Variants in DMRT2 observed in about 807,000 individuals in gnomAD.
DMRT2 encodes the protein doublesex- and mab-3-related transcription factor 2.
In DMRT2, 33 loss-of-function variants were observed where a neutral mutation model predicts 43.5. The observed-to-expected ratio is 0.76, with a 90% confidence interval of 0.58 to 1.01. DMRT2 has a LOEUF of 1.01. Among genes scored for constraint, DMRT2 ranks in the 50% least tolerant of loss-of-function variants. The pLI is 0.00. For synonymous variants in DMRT2, 395 were observed against 309.2 expected, an observed-to-expected ratio of 1.28 and a Z score of -2.91; for missense variants, 1,064 against 748.0, an observed-to-expected ratio of 1.42 and a Z score of -4.93.
At position 1,057,046 on chromosome 9, in the gene DMRT2, T is replaced by C. The variant is rs778824742; in HGVS notation, c.1459T>C (p.Leu487=). 5 of 1,614,084 alleles carry C rather than the reference T, an allele frequency of 3.1e-6. No homozygotes were observed. The East Asian group carries it at 6.7e-5, about 22-fold the overall frequency. Reference sequence around the variant, plus strand: ...ACTTACTGACAAATCGGGTCCTGAGTTGAAAACACCATTTGTCAAAGAGGC... The same window carrying C: ...ACTTACTGACAAATCGGGTCCTGAGCTGAAAACACCATTTGTCAAAGAGGC... ...QTLTDKSGPE[L]KTPFVKEAFE... is the part of the protein sequence containing the mutation. The change falls in exon 4 of 4, where the codon TTG becomes CTG. Residue 487 remains leucine (L), a synonymous_variant. Transcript: ENST00000358146.
chr9:1,055,443 G>A (rs375346065), intron 3 of DMRT2, among the ~76,000 whole-genome samples: 9 of 152,236 alleles, frequency 5.9e-5, no homozygotes, highest in South Asian at 2.1e-4. Context: ...TTTGGTATCC[G>A]GCCAAAATGA....
chr9:1,057,421 C>G lies in DMRT2; in HGVS notation c.*148C>G. 1 of 829,544 alleles carries G rather than the reference C, an allele frequency of 1.2e-6. No individual in the cohort carries two copies. The highest frequency in any genetic ancestry group is 1.8e-6 in the Non-Finnish European group (1 of 556,418). The allele number at this position is 829,544 out of a possible 1,614,324, so 51.4% of individuals were successfully genotyped here. A position where few individuals can be genotyped will look rare whatever the true frequency, so the allele number is the denominator to read the frequency against. On this transcript the variant is annotated 3_prime_UTR_variant, in exon 4 of 4. Coordinates refer to ENST00000358146, the MANE Select transcript of DMRT2 (RefSeq NM_181872.6). ...AAAAATTTTATATATTCCTAATATG[C>G]ATGTACTTTTTCTTATCACATATAT...
chr9:1,056,095 G>C lies in DMRT2; in HGVS notation c.629-121G>C. ...CTTTTGCATCTGTATAAAAATATCAGTGAGATGGAACTGTAAATAATTGTT... is the reference window on the plus strand; with the variant it reads ...CTTTTGCATCTGTATAAAAATATCACTGAGATGGAACTGTAAATAATTGTT... On this transcript the variant is annotated intron_variant, in intron 3 of 3. Coordinates refer to ENST00000358146, the MANE Select transcript of DMRT2 (RefSeq NM_181872.6). The C allele has an allele frequency of 2.0e-6, 3 of 1,493,734 alleles. No homozygotes were observed. The East Asian group carries it at 6.8e-5, about 34-fold the overall frequency. The allele number at this position is 1,493,734 out of a possible 1,614,324, so 92.5% of individuals were successfully genotyped here.
Position 1,056,703 on chromosome 9 carries a change from T to C in DMRT2, c.1116T>C (p.Pro372=), listed in dbSNP as rs777481724. 6.2e-7 allele frequency: 1 copy of C among 1,614,104 alleles called. No homozygotes were observed. The highest frequency in any genetic ancestry group is 8.5e-7 in the Non-Finnish European group (1 of 1,180,022). Reference sequence around the variant, plus strand: ...CCACCTCAGTTCAAGCCCTGAAGCCTGGGGCCAGCTGGGACTTGAAGGGAG... The same window carrying C: ...CCACCTCAGTTCAAGCCCTGAAGCCCGGGGCCAGCTGGGACTTGAAGGGAG... ...NATTSVQALK[P]GASWDLKGAR... Residue 372 remains proline, a synonymous_variant, in exon 4 of 4, where the codon CCT becomes CCC. Transcript: ENST00000358146.
rs371831083 is a variant in DMRT2 at position 1,057,250 on chromosome 9, G to A, written c.1663G>A (p.Ala555Thr). The change falls in exon 4 of 4, where the codon GCC becomes ACC. Residue 555 changes from alanine (A) to threonine (T), a missense_variant. By Grantham distance (58) the Ala-to-Thr change is moderately conservative. Transcript: ENST00000358146. ...VESILKRPSS[A>T]ITRVSQ The stretch of plus-strand genomic sequence containing the variant: ...GTCTATTCTTAAGAGGCCTTCATCT[G>A]CCATCACTCGTGTCTCTCAGTGAAA... The A allele has an allele frequency of 6.2e-7, 1 of 1,611,574 alleles. No homozygotes were observed. Among genetic ancestry groups the A allele is most frequent in the Non-Finnish European group, 8.5e-7 (1 of 1,179,030 alleles).
chr9:1,051,681 A>C lies in DMRT2; in HGVS notation c.68A>C (p.Glu23Ala). 6.4e-7 allele frequency: 1 copy of C among 1,568,152 alleles called. No homozygotes were observed. Among genetic ancestry groups the C allele is most frequent in the Non-Finnish European group, 8.6e-7 (1 of 1,164,904 alleles). ...WEIDVESLELEEDVCGAPRST... is the reference protein window; with the variant it reads ...WEIDVESLELAEDVCGAPRST... ...ATCGATGTCGAGAGCCTGGAGCTGGAAGAGGACGTCTGCGGGGCGCCGCGG... is the reference window on the plus strand; with the variant it reads ...ATCGATGTCGAGAGCCTGGAGCTGGCAGAGGACGTCTGCGGGGCGCCGCGG... The change falls in exon 2 of 4, where the codon GAA (glutamate) becomes GCA (alanine). Residue 23 changes from glutamate (E) to alanine (A), a missense_variant. By Grantham distance (107) the Glu-to-Ala change is moderately radical (BLOSUM62 -1). Coordinates refer to ENST00000358146, the MANE Select transcript of DMRT2 (RefSeq NM_181872.6). The surrounding 1 kb of genome is among the most constrained non-coding windows in gnomAD (Gnocchi z 5.9).
chr9:1,052,077 T>C lies in DMRT2; in HGVS notation c.464T>C (p.Val155Ala). ...RDCQCANCLLVVERQRVMAAQ... is the reference protein window; with the variant it reads ...RDCQCANCLLAVERQRVMAAQ... ...TGCCAGTGCGCCAACTGCCTGCTGG[T>C]GGTGGAGCGGCAGCGCGTCATGGCC... The change falls in exon 2 of 4, where the codon GTG (valine) becomes GCG (alanine). Residue 155 changes from valine (V) to alanine (A), a missense_variant. By Grantham distance (64) the Val-to-Ala change is moderately conservative. Coordinates refer to ENST00000358146, the MANE Select transcript of DMRT2 (RefSeq NM_181872.6). 6.8e-7 allele frequency: 1 copy of C among 1,459,874 alleles called. No individual in the cohort carries two copies. The highest frequency in any genetic ancestry group is 9.0e-7 in the Non-Finnish European group (1 of 1,111,632). The allele number at this position is 1,459,874 out of a possible 1,614,324, so 90.4% of individuals were successfully genotyped here.
In DMRT2 at chr9:1,052,033, C is replaced by T. The variant is rs1448053865; in HGVS notation, c.420C>T (p.Arg140=). The T allele has an allele frequency of 6.8e-7, 1 of 1,475,270 alleles. No homozygotes were observed. Among genetic ancestry groups the T allele is most frequent in the Non-Finnish European group, 8.9e-7 (1 of 1,119,690 alleles). The allele number at this position is 1,475,270 out of a possible 1,614,324, so 91.4% of individuals were successfully genotyped here. Residue 140 remains arginine, a synonymous_variant, in exon 2 of 4, where the codon CGC becomes CGT. Coordinates refer to ENST00000358146, the MANE Select transcript of DMRT2 (RefSeq NM_181872.6). ...TGTCCTGCCTGAAGGGCCACAAGCG[C>T]TTCTGTCGCTGGCGCGACTGCCAGT... ...GVVSCLKGHK[R]FCRWRDCQCA...
In DMRT2 at chr9:1,056,988, A is replaced by C; in HGVS notation, c.1401A>C (p.Arg467Ser). The stretch of plus-strand genomic sequence containing the variant: ...ACACCAGGCACCCTCTGCCACTTAG[A>C]CATAATCCATTCCACTCATTATTCC... ...KENTRHPLPL[R>S]HNPFHSLFQQ... Residue 467 changes from arginine (R) to serine (S), a missense_variant, in exon 4 of 4, where the codon AGA becomes AGC. Coordinates refer to ENST00000358146, the MANE Select transcript of DMRT2 (RefSeq NM_181872.6). 1 of 1,614,168 alleles carries C rather than the reference A, an allele frequency of 6.2e-7. No individual in the cohort carries two copies. Among genetic ancestry groups the C allele is most frequent in the Non-Finnish European group, 8.5e-7 (1 of 1,180,024 alleles).
intron 2 of DMRT2, among the ~76,000 whole-genome samples, chr9:1,052,537 G>A (rs7848572): frequency 0.085 from 12,914 of 152,032 alleles, 771 homozygotes; most frequent in African/African-American, 0.16. Context: ...TGCTGTACTG[G>A]TGATGATGGA....
chr9:1,054,721 A>T (rs564230667), intron 3 of DMRT2: 4 of 152,320 alleles, frequency 2.6e-5, no homozygotes, highest in South Asian at 4.1e-4. Context: ...TTAAATTTTT[A>T]AAAATTTAAA....
chr9:1,056,987 G>C lies in DMRT2; in HGVS notation c.1400G>C (p.Arg467Thr). Reference sequence around the variant, plus strand: ...AACACCAGGCACCCTCTGCCACTTAGACATAATCCATTCCACTCATTATTC... The same window carrying C: ...AACACCAGGCACCCTCTGCCACTTACACATAATCCATTCCACTCATTATTC... ...KENTRHPLPL[R>T]HNPFHSLFQQ... is the part of the protein sequence containing the mutation. Residue 467 changes from arginine to threonine, a missense_variant, in exon 4 of 4, where the codon AGA (arginine) becomes ACA (threonine). Coordinates refer to ENST00000358146, the MANE Select transcript of DMRT2 (RefSeq NM_181872.6). The C allele has an allele frequency of 1.2e-6, 2 of 1,614,164 alleles. No individual in the cohort carries two copies. Among genetic ancestry groups the C allele is most frequent in the East Asian group, 2.2e-5 (1 of 44,888 alleles).
In DMRT2 at chr9:1,051,969, G is replaced by T. The variant is rs753748641; in HGVS notation, c.356G>T (p.Arg119Leu). The change falls in exon 2 of 4, where the codon CGC (arginine) becomes CTC (leucine). Residue 119 changes from arginine to leucine, a missense_variant. Arg to Leu is a moderately radical substitution (Grantham distance 102, BLOSUM62 -2). Coordinates refer to ENST00000358146, the MANE Select transcript of DMRT2 (RefSeq NM_181872.6). The surrounding 1 kb of genome is among the most constrained non-coding windows in gnomAD (Gnocchi z 5.9). ...GGCGCGGAGCCGCGCAAGCTGAGCC[G>T]CACGCCCAAGTGCGCGCGCTGCCGC... Reference protein sequence around the residue: ...GGGAEPRKLSRTPKCARCRNH... With the variant: ...GGGAEPRKLSLTPKCARCRNH... 7.0e-7 allele frequency: 1 copy of T among 1,423,124 alleles called. No homozygotes were observed. The highest frequency in any genetic ancestry group is 1.5e-5 in the South Asian group (1 of 68,720). The allele number at this position is 1,423,124 out of a possible 1,614,324, so 88.2% of individuals were successfully genotyped here.
rs1418003117 is a variant in DMRT2, at chr9:1,051,836, C to T, written c.223C>T (p.Pro75Ser). Reference protein sequence around the residue: ...GEEAGASPGMPGQPEQRGGPQ... With the variant: ...GEEAGASPGMSGQPEQRGGPQ... ...GGAGGCAGGCGCGTCCCCCGGGATG[C>T]CCGGCCAGCCGGAGCAGCGGGGGGG... Residue 75 changes from proline to serine, a missense_variant, in exon 2 of 4, where the codon CCC becomes TCC. By Grantham distance (74) the Pro-to-Ser change is moderately conservative (BLOSUM62 -1). Transcript: ENST00000358146. The surrounding 1 kb of genome is among the most constrained non-coding windows in gnomAD (Gnocchi z 5.9). The T allele has an allele frequency of 3.5e-6, 5 of 1,437,672 alleles. No individual in the cohort carries two copies. The Admixed American group carries it at 8.7e-5, about 25-fold the overall frequency. The allele number at this position is 1,437,672 out of a possible 1,614,324, so 89.1% of individuals were successfully genotyped here. A position where few individuals can be genotyped will look rare whatever the true frequency, so the allele number is the denominator to read the frequency against.
intron 3 of DMRT2, 130 bp downstream of exon 3, chr9:1,053,954 T>C: frequency 4.2e-6 from 3 of 713,958 alleles, no homozygotes; most frequent in Non-Finnish European, 6.6e-6. Flanking sequence ...AGAAAGGTTT[T>C]GTTTAGGTGT....
Position 1,051,460 on chromosome 9 carries a change from G to A in DMRT2, c.-44-110G>A. The A allele has an allele frequency of 7.7e-7, 1 of 1,306,346 alleles. No individual in the cohort carries two copies. The highest frequency in any genetic ancestry group is 1.0e-6 in the Non-Finnish European group (1 of 1,001,872). The allele number at this position is 1,306,346 out of a possible 1,614,324, so 80.9% of individuals were successfully genotyped here. On this transcript the variant is annotated intron_variant, in intron 1 of 3. Transcript: ENST00000358146. The surrounding 1 kb of genome is among the most constrained non-coding windows in gnomAD (Gnocchi z 5.9). The stretch of plus-strand genomic sequence containing the variant: ...AAGTGAGGGACATGTAATGAGAACA[G>A]GATGACTCAAGCGGCCGGAGGCGGG...
Position 1,051,437 on chromosome 9 carries a change from G to A in DMRT2, c.-44-133G>A, listed in dbSNP as rs1821565967. 9.4e-7 allele frequency: 1 copy of A among 1,068,140 alleles called. No homozygotes were observed. The highest frequency in any genetic ancestry group is 2.1e-5 in the South Asian group (1 of 47,382). 66.2% of individuals were successfully genotyped at this position (1,068,140 alleles called of 1,614,324 possible). A position where few individuals can be genotyped will look rare whatever the true frequency, so the allele number is the denominator to read the frequency against. On this transcript the variant is annotated intron_variant, in intron 1 of 3. Coordinates refer to ENST00000358146, the MANE Select transcript of DMRT2 (RefSeq NM_181872.6). This position sits in a 1 kb window ranked among gnomAD's most constrained non-coding sequence, Gnocchi z 5.9. ...CAGGAAAGGCACGTGTGGCCTGGAA[G>A]TGAGGGACATGTAATGAGAACAGGA...
chr9:1,052,499 G>A (rs369676178), intron 2 of DMRT2, among the ~76,000 whole-genome samples: 1 of 152,194 alleles, frequency 6.6e-6, no homozygotes, highest in African/African-American at 2.4e-5. Context: ...TTGATCCACA[G>A]CACGGCGTGC....
intron 3 of DMRT2, chr9:1,054,480 G>A (rs1821834679): frequency 6.7e-6 from 1 of 149,638 alleles, no homozygotes; most frequent in South Asian, 2.1e-4. Flanking sequence ...TTTTTTGACA[G>A]TCAAGGTTAT....
Sources: allele counts gnomAD v4.1 joint callset (sites outside exome capture counted in the v4.1 genomes callset), GRCh38; gene constraint gnomAD v4.1.1; non-coding constraint Gnocchi (gnomAD v3.1); transcripts MANE v1.5; gene names NCBI Gene and HGNC (gene_info 2026-07-23, HGNC 2026-07-21).